Variants in SSH2 observed in about 807,000 individuals in gnomAD.
SSH2 encodes the protein slingshot protein phosphatase 2, also known as protein phosphatase Slingshot homolog 2.
Under a neutral mutation model 135.2 loss-of-function variants are expected in SSH2, and 37 were observed. The ratio of observed to expected loss-of-function variants is 0.27; its 90% CI spans 0.21 to 0.36. SSH2 has a LOEUF of 0.36. SSH2 is among the 10% of genes least tolerant of loss of function. The pLI is 1.00. For missense variants in SSH2, 1,408 were observed against 1,765.3 expected (o/e 0.80, Z 3.63); for synonymous variants, 628 against 646.2 (o/e 0.97, Z 0.43).
At chr17:29,693,480 T>G (rs1488936803) in intron 5 of SSH2, among the ~76,000 whole-genome samples, 1 of 151,464 alleles carries the variant, frequency 6.6e-6, no homozygotes, top group African/African-American at 2.4e-5. Context: ...CCTGGCTAAT[T>G]TTTGTATTTT....
At chr17:29,800,952 G>C (rs926340143) in intron 2 of SSH2, among the ~76,000 whole-genome samples, 4 of 150,418 alleles carry the variant, frequency 2.7e-5, no homozygotes, top group African/African-American at 9.8e-5. Flanking sequence ...TGCACCCTCT[G>C]CCTCCTGGGT....
intron 3 of SSH2, among the ~76,000 whole-genome samples, chr17:29,739,228 G>C (rs1598910292): frequency 6.6e-6 from 1 of 152,278 alleles, no homozygotes; most frequent in South Asian, 2.1e-4. Context: ...AAGTAGCAGA[G>C]TTCGAACCGA....
rs1251926728 is a variant in SSH2 at position 29,818,054 on chromosome 17, GC to G, written c.145-24118del. Among the ~76,000 whole-genome samples, 4 of 152,198 alleles carry G rather than the reference GC, an allele frequency of 2.6e-5. No individual in the cohort carries two copies. The East Asian group carries it at 7.7e-4, about 29-fold the overall frequency. ...CAAAGTGCTAAGATTACAGGCATGAGCCACTGTGCCTGCCTCCCATATACTT... is the reference window on the plus strand; with the variant it reads ...CAAAGTGCTAAGATTACAGGCATGAGCACTGTGCCTGCCTCCCATATACTT... On this transcript the variant is annotated intron_variant, in intron 2 of 15. Coordinates refer to ENST00000540801, the MANE Select transcript of SSH2 (RefSeq NM_001282129.2).
At chr17:29,742,981 G>A (rs1462261563) in intron 3 of SSH2, among the ~76,000 whole-genome samples, 4 of 151,564 alleles carry the variant, frequency 2.6e-5, no homozygotes, top group East Asian at 1.9e-4. Flanking sequence ...GTCCAGGCTG[G>A]AGTTCAGTAG....
At chr17:29,916,018 C>T (rs1364011168) in intron 1 of SSH2, among the ~76,000 whole-genome samples, 4 of 135,836 alleles carry the variant, frequency 2.9e-5, no homozygotes. Context: ...TGTGATGTTC[C>T]CCTTTCTGTG....
chr17:29,685,838 T>C (rs2038191039), intron 5 of SSH2, among the ~76,000 whole-genome samples: 1 of 151,478 alleles, frequency 6.6e-6, no homozygotes, highest in African/African-American at 2.4e-5. Flanking sequence ...ACTTTCTTTC[T>C]TTCTTTTCTT....
chr17:29,885,348 TAAAAAAA>T (rs72403205), intron 1 of SSH2, among the ~76,000 whole-genome samples: 2 of 127,112 alleles, frequency 1.6e-5, no homozygotes, highest in African/African-American at 6.1e-5. Context: ...TATTGTATCA[TAAAAAAA>T]AAAAAAAAAA....
At chr17:29,760,308 T>C (rs554708065) in intron 3 of SSH2, among the ~76,000 whole-genome samples, 343 of 152,332 alleles carry the variant, frequency 2.3e-3, no homozygotes, top group Non-Finnish European at 4.0e-3. Flanking sequence ...GTGACTCCTC[T>C]GAAGCCACTT....
chr17:29,720,346 C>T (rs896071611), intron 3 of SSH2, among the ~76,000 whole-genome samples: 1 of 152,182 alleles, frequency 6.6e-6, no homozygotes, highest in Non-Finnish European at 1.5e-5. Flanking sequence ...ATCTGCAAAA[C>T]AACAGTTTCT....
chr17:29,722,295 A>G (rs1482695792), intron 3 of SSH2, among the ~76,000 whole-genome samples: 25 of 151,354 alleles, frequency 1.7e-4, no homozygotes, highest in Admixed American at 2.6e-4. Flanking sequence ...AAAAAAAGTC[A>G]GTGTAATTTA....
At position 29,754,260 on chromosome 17, in the gene SSH2, T is replaced by C. The variant is rs2041044315; in HGVS notation, c.188+39634A>G. Among the ~76,000 whole-genome samples, 5 of 152,294 alleles carry C rather than the reference T, an allele frequency of 3.3e-5. 1 individual carries two copies. In the Middle Eastern group the frequency reaches 0.014, roughly 417 times the overall value. ...AAACTCTGGGGACTGTGGGTAGCAA[T>C]TTGTGTTTTACCAAGCCCTCCAGGT... On this transcript the variant is annotated intron_variant, in intron 3 of 15. Transcript: ENST00000540801.
chr17:29,837,485 G>C (rs1462301374), intron 2 of SSH2, among the ~76,000 whole-genome samples: 1 of 152,180 alleles, frequency 6.6e-6, no homozygotes, highest in Non-Finnish European at 1.5e-5. Flanking sequence ...GCTGTAGTGG[G>C]GAGGCATGGG....
At chr17:29,758,449 C>T (rs1311107314) in intron 3 of SSH2, among the ~76,000 whole-genome samples, 4 of 152,170 alleles carry the variant, frequency 2.6e-5, no homozygotes, top group Non-Finnish European at 4.4e-5. Flanking sequence ...GATAGATGTA[C>T]ATTAAACTCA....
chr17:29,856,041 A>T, intron 1 of SSH2: 1 of 374,714 alleles, frequency 2.7e-6, no homozygotes, highest in South Asian at 2.1e-5. Context: ...GTCTGTGCAT[A>T]CTCCTTTCCC....
At chr17:29,898,347 T>G (rs1462578073) in intron 1 of SSH2, among the ~76,000 whole-genome samples, 13 of 151,986 alleles carry the variant, frequency 8.6e-5, no homozygotes, top group Non-Finnish European at 1.3e-4. Flanking sequence ...AGGAGCTGGT[T>G]TTTTGAAAAG....
chr17:29,654,607 T>C (rs2036708818), intron 12 of SSH2, among the ~76,000 whole-genome samples: 1 of 152,302 alleles, frequency 6.6e-6, no homozygotes. Flanking sequence ...TCTTTTCTTA[T>C]TGGGATTAGC....
chr17:29,833,443 T>C (rs1444449148), intron 2 of SSH2, among the ~76,000 whole-genome samples: 2 of 152,190 alleles, frequency 1.3e-5, no homozygotes, highest in Non-Finnish European at 2.9e-5. Flanking sequence ...AATATCTTTT[T>C]CCATTCCTTT....
At chr17:29,733,875 A>G (rs769984719) in intron 3 of SSH2, among the ~76,000 whole-genome samples, 3 of 151,586 alleles carry the variant, frequency 2.0e-5, no homozygotes, top group East Asian at 1.9e-4. Flanking sequence ...TCTAAGATAC[A>G]TAAGTTTCTC....
At chr17:29,760,160 G>A (rs1315533244) in intron 3 of SSH2, among the ~76,000 whole-genome samples, 1 of 152,220 alleles carries the variant, frequency 6.6e-6, no homozygotes, top group Non-Finnish European at 1.5e-5. Context: ...AGATTATCTA[G>A]AAATCACCTT....
Sources: gnomAD v4.1 joint callset for allele counts (sites outside exome capture counted in the v4.1 genomes callset) on GRCh38, gnomAD v4.1.1 for gene constraint, MANE v1.5 for transcripts, NCBI Gene and HGNC (gene_info 2026-07-23, HGNC 2026-07-21) for gene names.